The following EXOC2 variants were observed in gnomAD, a reference collection of about 807,000 sequenced individuals.
EXOC2 encodes the protein SEC5-like 1.
EXOC2 carries 70 observed loss-of-function variants against 131.8 expected under a neutral mutation model. The observed-to-expected ratio is 0.53, with a 90% confidence interval of 0.44 to 0.65. EXOC2 has a LOEUF of 0.65. Ranked by LOEUF, EXOC2 falls within the 30% of genes least tolerant of loss-of-function variation. EXOC2 has a pLI of 0.00. For synonymous variants in EXOC2, 411 were observed against 398.4 expected (o/e 1.03, Z -0.38); for missense variants, 923 against 1,108.6 (o/e 0.83, Z 2.38).
chr6:616,419 C>T (rs901490267), intron 6 of EXOC2, among the ~76,000 whole-genome samples: 6 of 151,626 alleles, frequency 4.0e-5, no homozygotes, highest in African/African-American at 9.7e-5. Context: ...CTGGCTAACA[C>T]GGTGAAACCC....
intron 1 of EXOC2, among the ~76,000 whole-genome samples, chr6:639,177 G>A (rs565909553): frequency 6.6e-6 from 1 of 152,304 alleles, no homozygotes; most frequent in Non-Finnish European, 1.5e-5. Flanking sequence ...CCCCAGCACA[G>A]CAGAGGTGTG....
intron 10 of EXOC2, among the ~76,000 whole-genome samples, chr6:595,145 G>A (rs1759742267): frequency 6.6e-6 from 1 of 152,006 alleles, no homozygotes; most frequent in African/African-American, 2.4e-5. Context: ...AGAGGGAGAA[G>A]AATAGGGAAG....
intron 1 of EXOC2, 58 bp downstream of exon 1, chr6:692,961 C>A: frequency 6.6e-6 from 1 of 152,632 alleles, no homozygotes; most frequent in Non-Finnish European, 1.5e-5. Flanking sequence ...CACCTCCGTG[C>A]AGCTGACGTC....
intron 4 of EXOC2, among the ~76,000 whole-genome samples, chr6:628,667 G>C (rs1761700349): frequency 6.6e-6 from 1 of 152,142 alleles, no homozygotes; most frequent in Non-Finnish European, 1.5e-5. Flanking sequence ...GCAGCTCAGA[G>C]GGCCTCCTGC....
chr6:532,679 C>T (rs1304136842), intron 22 of EXOC2, 69 bp from the exon 23 acceptor site: 11 of 1,308,984 alleles, frequency 8.4e-6, no homozygotes, highest in African/African-American at 3.0e-5. Context: ...ATAATGTTAA[C>T]AATAAATACT....
chr6:556,344 A>C, intron 18 of EXOC2, 140 bp downstream of exon 18: 1 of 863,024 alleles, frequency 1.2e-6, no homozygotes, highest in Admixed American at 2.5e-5. Flanking sequence ...GGAAATCAGC[A>C]CATCTACGCA....
intron 1 of EXOC2, among the ~76,000 whole-genome samples, chr6:668,762 A>G (rs1240716559): frequency 1.3e-5 from 2 of 152,212 alleles, no homozygotes. Context: ...ATAAAATTGC[A>G]TAGTATTTGC....
At chr6:595,760 A>T (rs1161448100) in intron 10 of EXOC2, among the ~76,000 whole-genome samples, 1 of 152,076 alleles carries the variant, frequency 6.6e-6, no homozygotes, top group African/African-American at 2.4e-5. Context: ...GGAGCAGGGC[A>T]GGAAACAGCA....
At chr6:599,505 A>G (rs3844192) in intron 7 of EXOC2, among the ~76,000 whole-genome samples, 131,348 of 152,268 alleles carry the variant, frequency 0.86, 56,890 homozygotes, top group East Asian at 0.92. Context: ...TTTTCATTAC[A>G]CTTCTAAACT....
chr6:599,750 A>G (rs1244384317), intron 7 of EXOC2, among the ~76,000 whole-genome samples: 7 of 152,230 alleles, frequency 4.6e-5, no homozygotes, highest in Non-Finnish European at 1.0e-4. Context: ...AGGCAAAGAA[A>G]ATTATATAAG....
intron 23 of EXOC2, among the ~76,000 whole-genome samples, chr6:512,627 T>C (rs1238309954): frequency 6.6e-6 from 1 of 152,110 alleles, no homozygotes; most frequent in African/African-American, 2.4e-5. Context: ...CGTACAGGGG[T>C]CTGCTGTATT....
chr6:686,486 G>A (rs1322588288), intron 1 of EXOC2, among the ~76,000 whole-genome samples: 3 of 152,076 alleles, frequency 2.0e-5, no homozygotes, highest in Admixed American at 2.0e-4. Context: ...ACAATGTTTG[G>A]AGGTGAGAGA....
At chr6:625,419 G>A (rs1761508305) in intron 4 of EXOC2, among the ~76,000 whole-genome samples, 1 of 151,558 alleles carries the variant, frequency 6.6e-6, no homozygotes, top group African/African-American at 2.4e-5. Flanking sequence ...GGCATTGCTA[G>A]TTCTTTGTGT....
intron 16 of EXOC2, 133 bp from the exon 17 acceptor site, chr6:562,978 A>G: frequency 1.9e-6 from 1 of 538,510 alleles, no homozygotes; most frequent in Non-Finnish European, 3.0e-6. Flanking sequence ...AAGTAGGCAA[A>G]GAATATAATT....
chr6:612,833 C>T (rs554152896), intron 6 of EXOC2, among the ~76,000 whole-genome samples: 96 of 152,244 alleles, frequency 6.3e-4, no homozygotes, highest in Non-Finnish European at 1.0e-3. Context: ...TGTACCATAA[C>T]GAATATTCAC....
At chr6:527,593 C>T (rs4341048) in intron 23 of EXOC2, among the ~76,000 whole-genome samples, 86 of 152,354 alleles carry the variant, frequency 5.6e-4, no homozygotes, top group African/African-American at 1.4e-3. Flanking sequence ...ACACCACTGA[C>T]GGGCAGGAGG....
chr6:675,310 T>C (rs1764060339), intron 1 of EXOC2, among the ~76,000 whole-genome samples: 1 of 152,172 alleles, frequency 6.6e-6, no homozygotes, highest in South Asian at 2.1e-4. Flanking sequence ...CAAAAAACAT[T>C]TAGAAATTCT....
At chr6:544,869 C>T (rs1032524313) in intron 22 of EXOC2, among the ~76,000 whole-genome samples, 10 of 152,126 alleles carry the variant, frequency 6.6e-5, no homozygotes, top group African/African-American at 1.2e-4. Context: ...AACTTCAGGC[C>T]GGGCGCGGTG....
chr6:582,992 T>A (rs1055578658), intron 11 of EXOC2, among the ~76,000 whole-genome samples: 2 of 152,142 alleles, frequency 1.3e-5, no homozygotes, highest in African/African-American at 4.8e-5. Flanking sequence ...GTATAAACTT[T>A]GAAGAAGCAT....
Sources: gnomAD v4.1 joint callset for allele counts (sites outside exome capture counted in the v4.1 genomes callset) on GRCh38, gnomAD v4.1.1 for gene constraint, MANE v1.5 for transcripts, NCBI Gene and HGNC (gene_info 2026-07-23, HGNC 2026-07-21) for gene names.